NEK1: variants seen among roughly 807,000 people sequenced by gnomAD.
The protein encoded by NEK1 is NIMA related kinase 1.
NEK1 carries 137 observed loss-of-function variants against 182.1 expected under a neutral mutation model. The observed-to-expected ratio is 0.75, with a 90% CI of 0.65 to 0.87. The LOEUF is 0.87. Ranked by LOEUF, NEK1 falls within the 40% of genes least tolerant of loss-of-function variation. NEK1 has a pLI of 0.00. For missense variants in NEK1, 1,391 were observed against 1,494.4 expected (o/e 0.93, Z 1.14); for synonymous variants, 513 against 492.2 (o/e 1.04, Z -0.56).
At chr4:169,525,544 G>C (rs1006914572) in intron 19 of NEK1, among the ~76,000 whole-genome samples, 1 of 151,970 alleles carries the variant, frequency 6.6e-6, no homozygotes, top group African/African-American at 2.4e-5. Flanking sequence ...ATAATCTATA[G>C]CAAAGATCAG....
At chr4:169,397,058 C>T (rs1730848166) in intron 35 of NEK1, among the ~76,000 whole-genome samples, 2 of 151,794 alleles carry the variant, frequency 1.3e-5, no homozygotes, top group Non-Finnish European at 2.9e-5. Flanking sequence ...GCCATCTCTG[C>T]CAAAAAAATA....
chr4:169,570,051 G>T (rs1368329379), intron 12 of NEK1, among the ~76,000 whole-genome samples: 1 of 146,130 alleles, frequency 6.8e-6, no homozygotes, highest in African/African-American at 2.4e-5. Context: ...AGTGAGGAGC[G>T]CCTCTTCCCG....
At chr4:169,507,261 G>A in intron 22 of NEK1, 129 bp from the exon 23 acceptor site, 4 of 528,666 alleles carry the variant, frequency 7.6e-6, no homozygotes, top group South Asian at 4.0e-5. Flanking sequence ...TGTGGTCTTA[G>A]AATAAAAATG....
At chr4:169,498,165 C>A (rs941476740) in intron 23 of NEK1, among the ~76,000 whole-genome samples, 1 of 152,136 alleles carries the variant, frequency 6.6e-6, no homozygotes, top group Admixed American at 6.5e-5. Context: ...ATGTAATGGC[C>A]TTCTTTGTCT....
intron 31 of NEK1, among the ~76,000 whole-genome samples, chr4:169,417,359 C>A (rs575497911): frequency 7.2e-5 from 11 of 152,286 alleles, no homozygotes; most frequent in African/African-American, 2.6e-4. Context: ...CAGAAAGCCA[C>A]TGAAGTCTTA....
intron 23 of NEK1, among the ~76,000 whole-genome samples, chr4:169,488,958 T>G (rs1037672364): frequency 6.6e-6 from 1 of 152,194 alleles, no homozygotes; most frequent in Non-Finnish European, 1.5e-5. Flanking sequence ...AATATGCCCT[T>G]CATCTAGACG....
intron 18 of NEK1, among the ~76,000 whole-genome samples, chr4:169,545,403 G>A (rs1760246087): frequency 6.6e-6 from 1 of 151,428 alleles, no homozygotes; most frequent in Non-Finnish European, 1.5e-5. Context: ...TGGCTGCATA[G>A]TATTCCATGG....
At chr4:169,493,927 A>C (rs980347872) in intron 23 of NEK1, among the ~76,000 whole-genome samples, 1 of 152,192 alleles carries the variant, frequency 6.6e-6, no homozygotes, top group Admixed American at 6.5e-5. Context: ...ATGCAGACAC[A>C]AGAAATTCAG....
rs969461530 is a variant in NEK1, at chr4:169,433,420, G to C, written c.2885+125C>G. ...CCATATGAATATCTATTCAAATTAAGTTCCTTTTATAAGGTATTACAATAT... is the reference window on the plus strand; with the variant it reads ...CCATATGAATATCTATTCAAATTAACTTCCTTTTATAAGGTATTACAATAT... On this transcript the variant is annotated intron_variant, in intron 29 of 35. Transcript: ENST00000507142. The C allele has an allele frequency of 6.7e-6, 6 of 889,436 alleles. No individual in the cohort carries two copies. In the African/African-American group the frequency reaches 1.0e-4, roughly 15 times the overall value. 55.1% of individuals were successfully genotyped at this position (889,436 alleles called of 1,614,324 possible). A position where few individuals can be genotyped will look rare whatever the true frequency, so the allele number is the denominator to read the frequency against.
intron 23 of NEK1, 26 bp from the exon 24 acceptor site, chr4:169,479,560 C>T (rs767440556): frequency 1.0e-5 from 16 of 1,540,988 alleles, no homozygotes; most frequent in Non-Finnish European, 1.2e-5. Context: ...TTATTAAATA[C>T]ATTAGGGATT....
intron 18 of NEK1, among the ~76,000 whole-genome samples, chr4:169,541,841 C>A (rs2149832021): frequency 6.6e-6 from 1 of 152,224 alleles, no homozygotes; most frequent in Non-Finnish European, 1.5e-5. Flanking sequence ...GTTAATACTT[C>A]CAGTTTGAAG....
intron 10 of NEK1, among the ~76,000 whole-genome samples, chr4:169,583,329 T>C (rs1203369614): frequency 1.3e-5 from 2 of 149,162 alleles, no homozygotes; most frequent in Non-Finnish European, 3.0e-5. Flanking sequence ...ACAAAATAAA[T>C]CTGAGGAACA....
intron 18 of NEK1, among the ~76,000 whole-genome samples, chr4:169,548,634 G>A (rs1427225141): frequency 6.6e-6 from 1 of 152,226 alleles, no homozygotes; most frequent in African/African-American, 2.4e-5. Flanking sequence ...CCCTGACTGG[G>A]GCTACTGCCT....
chr4:169,601,046 G>A lies in NEK1; in HGVS notation c.214+962C>T, dbSNP rs76917241. Among the ~76,000 whole-genome samples, 562 of 152,280 alleles carry A rather than the reference G, an allele frequency of 3.7e-3. 2 individuals are homozygous for A. Among genetic ancestry groups the A allele is most frequent in the African/African-American group, 0.013 (543 of 41,556 alleles). On this transcript the variant is annotated intron_variant, in intron 4 of 35. Transcript: ENST00000507142. ...AAGATAAAGGAAAATTCAAGGTCCTGAAAAGGAAGAGTTGGTTAATTTTGT... is the reference window on the plus strand; with the variant it reads ...AAGATAAAGGAAAATTCAAGGTCCTAAAAAGGAAGAGTTGGTTAATTTTGT...
intron 19 of NEK1, among the ~76,000 whole-genome samples, chr4:169,511,799 G>A (rs1167485079): frequency 2.6e-5 from 4 of 151,942 alleles, no homozygotes; most frequent in Non-Finnish European, 4.4e-5. Context: ...CTAACCCATC[G>A]ACCATTAAAC....
intron 6 of NEK1, among the ~76,000 whole-genome samples, chr4:169,590,222 C>A (rs946360115): frequency 1.3e-5 from 2 of 152,132 alleles, no homozygotes; most frequent in African/African-American, 2.4e-5. Context: ...GCAGGAGAAT[C>A]GCTTGAACCT....
chr4:169,590,777 G>A lies in NEK1; in HGVS notation c.345C>T (p.Ala115=). 6.3e-7 allele frequency: 1 copy of A among 1,599,008 alleles called. No homozygotes were observed. The highest frequency in any genetic ancestry group is 2.2e-5 in the East Asian group (1 of 44,544). ...ILDWFVQICL[A]LKHVHDRKIL... ...TTTTTCTATCATGTACATGTTTCAG[G>A]GCCAAACATATCTGTACAAACCAGT... Residue 115 remains alanine (A), a synonymous_variant, in exon 6 of 36, where the codon GCC becomes GCT. Coordinates refer to ENST00000507142, the MANE Select transcript of NEK1 (RefSeq NM_001199397.3).
At chr4:169,536,405 A>T (rs1444153402) in intron 19 of NEK1, among the ~76,000 whole-genome samples, 2 of 152,138 alleles carry the variant, frequency 1.3e-5, no homozygotes, top group Non-Finnish European at 2.9e-5. Flanking sequence ...ACCAAGGAAA[A>T]AGATAAGAAT....
intron 31 of NEK1, among the ~76,000 whole-genome samples, chr4:169,423,048 T>C (rs1304349056): frequency 1.3e-5 from 2 of 152,122 alleles, no homozygotes; most frequent in Admixed American, 6.5e-5. Flanking sequence ...CATAAGAAAA[T>C]ACTCCACAAA....
Sources: allele counts gnomAD v4.1 joint callset (sites outside exome capture counted in the v4.1 genomes callset), GRCh38; gene constraint gnomAD v4.1.1; transcripts MANE v1.5; gene names NCBI Gene and HGNC (gene_info 2026-07-23, HGNC 2026-07-21).